The following GRIK4 variants were observed in gnomAD, a reference collection of about 807,000 sequenced individuals.
GRIK4 encodes the protein glutamate ionotropic receptor kainate type subunit 4, also known as glutamate receptor ionotropic, kainate 4.
A neutral mutation model predicts 104.9 loss-of-function variants in GRIK4; 40 were observed. The observed-to-expected ratio is 0.38, with a 90% CI of 0.30 to 0.50. The LOEUF is 0.50. GRIK4 is among the 20% of genes least tolerant of loss of function. The pLI, the probability that GRIK4 is intolerant of heterozygous loss-of-function variation, is 0.93. For missense variants in GRIK4, 1,047 were observed against 1,308.1 expected, an observed-to-expected ratio of 0.80 and a Z score of 3.08; for synonymous variants, 485 against 524.9, an observed-to-expected ratio of 0.92 and a Z score of 1.04.
At chr11:120,837,041 G>A (rs1461661804) in intron 8 of GRIK4, among the ~76,000 whole-genome samples, 197 bp downstream of exon 8, 1 of 152,166 alleles carries the variant, frequency 6.6e-6, no homozygotes, top group Non-Finnish European at 1.5e-5. Context: ...GAGGATTTGG[G>A]GAATCTAATG....
intron 9 of GRIK4, chr11:120,869,840 T>C (rs1451843490): frequency 6.6e-6 from 1 of 152,272 alleles, no homozygotes; most frequent in East Asian, 1.9e-4. Flanking sequence ...ACCAGAGTAC[T>C]CTCGGCAACA....
chr11:120,853,720 G>A (rs1285378941), intron 8 of GRIK4, among the ~76,000 whole-genome samples: 1 of 152,128 alleles, frequency 6.6e-6, no homozygotes, highest in East Asian at 1.9e-4. Context: ...AGAGCGATAC[G>A]GTCTTAAGGA....
chr11:120,914,645 G>C (rs1592074888), intron 13 of GRIK4, among the ~76,000 whole-genome samples: 2 of 152,308 alleles, frequency 1.3e-5, no homozygotes, highest in East Asian at 3.9e-4. Flanking sequence ...AAGCATGAGA[G>C]GGGGTGGAGG....
At chr11:120,680,221 G>C (rs1485747941) in intron 3 of GRIK4, among the ~76,000 whole-genome samples, 1 of 152,196 alleles carries the variant, frequency 6.6e-6, no homozygotes, top group Non-Finnish European at 1.5e-5. Flanking sequence ...GGGACTACAG[G>C]TGCGCTCCAG....
rs1363465249 is a variant in GRIK4 at position 120,898,528 on chromosome 11, T to C, written c.1165-4T>C. ...TTCCCAGTCCTCTCCGTTGGTCTCC[T>C]CAGATCGGCCAGTGGCACGTGGCAG... On this transcript the variant is annotated splice_polypyrimidine_tract_variant and splice_region_variant and intron_variant, in intron 11 of 20. Coordinates refer to ENST00000527524, the MANE Select transcript of GRIK4 (RefSeq NM_014619.5). 2 of 1,564,912 alleles carry C rather than the reference T, an allele frequency of 1.3e-6. No homozygotes were observed. Among genetic ancestry groups the C allele is most frequent in the Non-Finnish European group, 1.8e-6 (2 of 1,135,120 alleles).
chr11:120,583,076 G>T (rs151194111), intron 1 of GRIK4, among the ~76,000 whole-genome samples: 1 of 152,068 alleles, frequency 6.6e-6, no homozygotes, highest in Non-Finnish European at 1.5e-5. Context: ...ATCGCCTTGC[G>T]GTTTTGATTT....
chr11:120,573,083 C>T (rs577011296), intron 1 of GRIK4, among the ~76,000 whole-genome samples: 1 of 152,124 alleles, frequency 6.6e-6, no homozygotes, highest in African/African-American at 2.4e-5. Flanking sequence ...GAAGTGTTCT[C>T]TTGTGGATTG....
Position 120,785,377 on chromosome 11 carries a change from G to A in GRIK4, c.83-17316G>A, listed in dbSNP as rs752750681. The stretch of plus-strand genomic sequence containing the variant: ...AAGAAAACCTACAGGGAGGTGAGCC[G>A]GTCCACAGAGAGCAAGGAACTGTTT... On this transcript the variant is annotated intron_variant, in intron 3 of 20. Coordinates refer to ENST00000527524, the MANE Select transcript of GRIK4 (RefSeq NM_014619.5). Among the ~76,000 whole-genome samples, 12 of 152,212 alleles carry A rather than the reference G, an allele frequency of 7.9e-5. No homozygotes were observed. The East Asian group carries it at 9.7e-4, about 12-fold the overall frequency.
intron 3 of GRIK4, among the ~76,000 whole-genome samples, chr11:120,722,862 C>T (rs1484628995): frequency 6.6e-6 from 1 of 152,176 alleles, no homozygotes; most frequent in Non-Finnish European, 1.5e-5. Flanking sequence ...GCAGTCTGTG[C>T]TGGGGCCTTT....
At chr11:120,665,425 C>G (rs773930186) in intron 3 of GRIK4, among the ~76,000 whole-genome samples, 25 of 152,242 alleles carry the variant, frequency 1.6e-4, no homozygotes, top group Admixed American at 8.5e-4. Context: ...CATCTGTCAC[C>G]TAGGGGGGGA....
At chr11:120,618,584 G>A (rs570107404) in intron 1 of GRIK4, among the ~76,000 whole-genome samples, 1 of 152,334 alleles carries the variant, frequency 6.6e-6, no homozygotes. Context: ...AGGCCCAGAG[G>A]CCTAGGAGGA....
chr11:120,658,216 G>T (rs1025401125), intron 2 of GRIK4, among the ~76,000 whole-genome samples: 1 of 151,748 alleles, frequency 6.6e-6, no homozygotes, highest in African/African-American at 2.4e-5. Flanking sequence ...TGTGGTTGTC[G>T]ATTATTCATT....
chr11:120,551,232 C>G (rs1028832346), intron 1 of GRIK4, among the ~76,000 whole-genome samples: 1 of 152,120 alleles, frequency 6.6e-6, no homozygotes, highest in African/African-American at 2.4e-5. Context: ...GTTTTCATCC[C>G]CGGTCCCTGG....
chr11:120,747,117 A>G (rs117748966), intron 3 of GRIK4, among the ~76,000 whole-genome samples: 1 of 152,186 alleles, frequency 6.6e-6, no homozygotes, highest in Non-Finnish European at 1.5e-5. Flanking sequence ...AAACTCTCAC[A>G]ATTCAGGCCC....
rs532930903 is a variant in GRIK4 at position 120,942,023 on chromosome 11, G to A, written c.1590+1563G>A. ...ACATGCTTATAAGTGAAAGAACAGG[G>A]TTCAAACCCAGGAATGATGTGTTTG... On this transcript the variant is annotated intron_variant, in intron 14 of 20. Transcript: ENST00000527524. Among the ~76,000 whole-genome samples, 3 of 152,316 alleles carry A rather than the reference G, an allele frequency of 2.0e-5. No individual in the cohort carries two copies. In the East Asian group the frequency reaches 5.8e-4, roughly 29 times the overall value.
intron 3 of GRIK4, among the ~76,000 whole-genome samples, chr11:120,683,674 T>C (rs1453591870): frequency 6.6e-6 from 1 of 152,124 alleles, no homozygotes; most frequent in East Asian, 1.9e-4. Flanking sequence ...ATTTGCAAAA[T>C]AGACATTGTC....
chr11:120,951,955 C>T (rs1565458438), intron 14 of GRIK4, among the ~76,000 whole-genome samples: 1 of 152,262 alleles, frequency 6.6e-6, no homozygotes, highest in Non-Finnish European at 1.5e-5. Flanking sequence ...TGGTGTGTCA[C>T]CTCGGATCTA....
intron 3 of GRIK4, among the ~76,000 whole-genome samples, chr11:120,743,110 A>T (rs1009996348): frequency 6.6e-6 from 1 of 151,942 alleles, no homozygotes; most frequent in Non-Finnish European, 1.5e-5. Context: ...GGTGCCTGTA[A>T]TCCCAGCTAC....
At chr11:120,609,804 C>T (rs901231805) in intron 1 of GRIK4, among the ~76,000 whole-genome samples, 1 of 152,090 alleles carries the variant, frequency 6.6e-6, no homozygotes, top group Admixed American at 6.6e-5. Context: ...ATGAGCCATA[C>T]GCCCAGCCTG....
Sources: gnomAD v4.1 joint callset for allele counts (sites outside exome capture counted in the v4.1 genomes callset) on GRCh38, gnomAD v4.1.1 for gene constraint, MANE v1.5 for transcripts, NCBI Gene and HGNC (gene_info 2026-07-23, HGNC 2026-07-21) for gene names.